The following PEX26 variants were observed in gnomAD, a reference collection of about 807,000 sequenced individuals.
PEX26 encodes peroxisome assembly protein 26.
PEX26 carries 18 observed loss-of-function variants against 31.4 expected under a neutral mutation model. The ratio of observed to expected loss-of-function variants is 0.57; its 90% CI spans 0.40 to 0.85. PEX26 has a LOEUF of 0.85. Among genes scored for constraint, PEX26 ranks in the 40% least tolerant of loss-of-function variants. The pLI, the probability that PEX26 is intolerant of heterozygous loss-of-function variation, is 0.00. For synonymous variants in PEX26, 176 were observed against 166.9 expected, an observed-to-expected ratio of 1.05 and a Z score of -0.42; for missense variants, 377 against 383.9, an observed-to-expected ratio of 0.98 and a Z score of 0.15.
In PEX26 at chr22:18,078,856, A is replaced by G. The variant is rs183299736; in HGVS notation, c.230+250A>G. ...CCTTGTTCCAAGGTACAATGACATG[A>G]TGGGAAGGCTGAATGTGTATTAAGT... On this transcript the variant is annotated intron_variant, in intron 1 of 4. Coordinates refer to ENST00000399744, the MANE Select transcript of PEX26 (RefSeq NM_001127649.3). 8 of 677,466 alleles carry G rather than the reference A, an allele frequency of 1.2e-5. No homozygotes were observed. The Admixed American group carries it at 1.6e-4, about 14-fold the overall frequency. 42.0% of individuals were successfully genotyped at this position (677,466 alleles called of 1,614,324 possible).
Position 18,085,141 on chromosome 22 carries a change from C to A in PEX26, c.697C>A (p.Pro233Thr). ...TGTCTCCCACAAGTTCCTGTCACTA[C>A]CGATGTTGGTTCGCCAGCTTTGGGA... ...GSVSHKFLSL[P>T]MLVRQLWDSA... Residue 233 changes from proline (P) to threonine (T), a missense_variant, in exon 4 of 5, where the codon CCG becomes ACG. Transcript: ENST00000399744. 1 of 1,614,146 alleles carries A rather than the reference C, an allele frequency of 6.2e-7. No homozygotes were observed. Among genetic ancestry groups the A allele is most frequent in the Non-Finnish European group, 8.5e-7 (1 of 1,180,006 alleles).
chr22:18,089,348 A>T lies in PEX26; in HGVS notation c.*1273A>T, dbSNP rs1926981807. ...TGAGTAATCAGGTGAGCTGGAAGGGATGTGGGGGGCGGGGCAGACGGGAGA... is the reference window on the plus strand; with the variant it reads ...TGAGTAATCAGGTGAGCTGGAAGGGTTGTGGGGGGCGGGGCAGACGGGAGA... On this transcript the variant is annotated 3_prime_UTR_variant, in exon 5 of 5. Coordinates refer to ENST00000399744, the MANE Select transcript of PEX26 (RefSeq NM_001127649.3). 2 of 152,692 alleles carry T rather than the reference A, an allele frequency of 1.3e-5. No homozygotes were observed. 9.5% of individuals were successfully genotyped at this position (152,692 alleles called of 1,614,324 possible).
In PEX26 at chr22:18,091,859, C is replaced by G. The variant is rs1648813193; in HGVS notation, c.*3784C>G. On this transcript the variant is annotated 3_prime_UTR_variant, in exon 5 of 5. Transcript: ENST00000399744. ...GAGCAGCAGTGGTCAGAGCTCTTTA[C>G]TATTACTTTTGGGCAAACGCAAGCC... 1.3e-5 allele frequency: 2 copies of G among 152,278 alleles called. No individual in the cohort carries two copies. Among genetic ancestry groups the G allele is most frequent in the African/African-American group, 4.8e-5 (2 of 41,436 alleles). 9.4% of individuals were successfully genotyped at this position (152,278 alleles called of 1,614,324 possible).
rs1306788647 is a variant in PEX26 at position 18,088,946 on chromosome 22, C to G, written c.*871C>G. On this transcript the variant is annotated 3_prime_UTR_variant, in exon 5 of 5. Coordinates refer to ENST00000399744, the MANE Select transcript of PEX26 (RefSeq NM_001127649.3). The surrounding 1 kb of genome is among the most constrained non-coding windows in gnomAD (Gnocchi z 4.1). ...TCAGGCTGGGGTGTGGTTTTCAGAA[C>G]CACCGGGTTGACTACTGAAAACCAA... 3 of 152,376 alleles carry G rather than the reference C, an allele frequency of 2.0e-5. No individual in the cohort carries two copies. The highest frequency in any genetic ancestry group is 4.4e-5 in the Non-Finnish European group (3 of 68,192). 9.4% of individuals were successfully genotyped at this position (152,376 alleles called of 1,614,324 possible).
At position 18,079,968 on chromosome 22, in the gene PEX26, T is replaced by C. The variant is rs45567240; in HGVS notation, c.325T>C (p.Tyr109His). The C allele has an allele frequency of 2.6e-3, 4,200 of 1,614,074 alleles. 8 individuals carry two copies. The highest frequency in any genetic ancestry group is 3.0e-3 in the Non-Finnish European group (3,595 of 1,179,954). Residue 109 changes from tyrosine to histidine, a missense_variant, in exon 2 of 5, where the codon TAT (tyrosine) becomes CAT (histidine). Physicochemically the swap from Tyr to His is moderately conservative, Grantham distance 83 (BLOSUM62 2). Coordinates refer to ENST00000399744, the MANE Select transcript of PEX26 (RefSeq NM_001127649.3). ...WQEVLSWVLQ[Y>H]YQVPEKLPPK... ...AGAAGTCCTCTCCTGGGTCCTTCAG[T>C]ATTACCAGGTCCCTGAAAAGCTACC...
rs1927012883 is a variant in PEX26, at chr22:18,089,791, TC to T, written c.*1719del. On this transcript the variant is annotated 3_prime_UTR_variant, in exon 5 of 5. Transcript: ENST00000399744. ...ATCTCAGCTCACTGCAAGCTCCGCCTCCCGGGTTCATGCCATTCTCCTGCCT... is the reference window on the plus strand; with the variant it reads ...ATCTCAGCTCACTGCAAGCTCCGCCTCCGGGTTCATGCCATTCTCCTGCCT... The T allele has an allele frequency of 6.6e-6, 1 of 152,198 alleles. No individual in the cohort carries two copies. Among genetic ancestry groups the T allele is most frequent in the Admixed American group, 6.5e-5 (1 of 15,270 alleles). 9.4% of individuals were successfully genotyped at this position (152,198 alleles called of 1,614,324 possible). A position where few individuals can be genotyped will look rare whatever the true frequency, so the allele number is the denominator to read the frequency against.
At position 18,099,216 on chromosome 22, in the gene PEX26, G is replaced by A. The variant is rs1927382113; in HGVS notation, c.*11141G>A. ...AAGAGTCCAGCCCAGGGAAAAAGGTGCAGATGGGTAGGATTTGGGTGGGTA... is the reference window on the plus strand; with the variant it reads ...AAGAGTCCAGCCCAGGGAAAAAGGTACAGATGGGTAGGATTTGGGTGGGTA... On this transcript the variant is annotated 3_prime_UTR_variant, in exon 5 of 5. Coordinates refer to ENST00000399744, the MANE Select transcript of PEX26 (RefSeq NM_001127649.3). 1 of 152,194 alleles carries A rather than the reference G, an allele frequency of 6.6e-6. No homozygotes were observed. Among genetic ancestry groups the A allele is most frequent in the Non-Finnish European group, 1.5e-5 (1 of 68,032 alleles). 9.4% of individuals were successfully genotyped at this position (152,194 alleles called of 1,614,324 possible).
chr22:18,087,679 A>G (rs1926897028), intron 4 of PEX26, among the ~76,000 whole-genome samples: 1 of 152,212 alleles, frequency 6.6e-6, no homozygotes, highest in South Asian at 2.1e-4. Context: ...GGCCTGGCCC[A>G]GTGGCCCTGA....
chr22:18,078,541 G>A lies in PEX26; in HGVS notation c.165G>A (p.Leu55=). ...TGCACCTGGACTTCCGGGCGGCGCT[G>A]GAGACCTGCGAGCGGGCCTGGCAGA... The part of the protein sequence containing the change: ...LVVHLDFRAA[L]ETCERAWQSL... The change falls in exon 1 of 5, where the codon CTG becomes CTA. Residue 55 remains leucine, a synonymous_variant. Coordinates refer to ENST00000399744, the MANE Select transcript of PEX26 (RefSeq NM_001127649.3). 1 of 1,585,996 alleles carries A rather than the reference G, an allele frequency of 6.3e-7. No homozygotes were observed.
rs1273539556 is a variant in PEX26 at position 18,090,253 on chromosome 22, A to G, written c.*2178A>G. On this transcript the variant is annotated 3_prime_UTR_variant, in exon 5 of 5. Coordinates refer to ENST00000399744, the MANE Select transcript of PEX26 (RefSeq NM_001127649.3). ...AGATAAAACGCTTCAATGGCTTCCC[A>G]TGGCTCACTGGATAACATCTAAATT... is the stretch of plus-strand genomic sequence containing the variant. 6.6e-6 allele frequency: 1 copy of G among 152,210 alleles called. No individual in the cohort carries two copies. The highest frequency in any genetic ancestry group is 1.5e-5 in the Non-Finnish European group (1 of 68,048). 9.4% of individuals were successfully genotyped at this position (152,210 alleles called of 1,614,324 possible).
rs559899179 is a variant in PEX26, at chr22:18,092,556, G to A, written c.*4481G>A. The A allele has an allele frequency of 6.6e-6, 1 of 152,258 alleles. No homozygotes were observed. Among genetic ancestry groups the A allele is most frequent in the East Asian group, 1.9e-4 (1 of 5,188 alleles). 9.4% of individuals were successfully genotyped at this position (152,258 alleles called of 1,614,324 possible). ...TTTAGAAAATATTAATTGCATAGAA[G>A]GAAATACAGGACTCGTGATCCCACC... On this transcript the variant is annotated 3_prime_UTR_variant, in exon 5 of 5. Transcript: ENST00000399744.
chr22:18,085,308 A>G, intron 4 of PEX26, 50 bp downstream of exon 4: 3 of 1,602,584 alleles, frequency 1.9e-6, no homozygotes, highest in South Asian at 2.2e-5. Context: ...GGTTGTTGCC[A>G]GGGCTGGGCC....
rs1927327669 is a variant in PEX26, at chr22:18,097,358, G to A, written c.*9283G>A. 1 of 151,796 alleles carries A rather than the reference G, an allele frequency of 6.6e-6. No homozygotes were observed. The highest frequency in any genetic ancestry group is 1.5e-5 in the Non-Finnish European group (1 of 68,022). The allele number at this position is 151,796 out of a possible 1,614,324, so 9.4% of individuals were successfully genotyped here. A position where few individuals can be genotyped will look rare whatever the true frequency, so the allele number is the denominator to read the frequency against. On this transcript the variant is annotated 3_prime_UTR_variant, in exon 5 of 5. Coordinates refer to ENST00000399744, the MANE Select transcript of PEX26 (RefSeq NM_001127649.3). ...GGCTCACTGCAAGCTCCGCCTTCCG[G>A]GTTCACGCCATTCTCCTGCCTCAGC...
rs769033064 is a variant in PEX26, at chr22:18,078,135, A to G, written c.-242A>G. ...CGGAGAAGCTAGGGCCAGGTATTCC[A>G]GGGATGCAAGAATCCTGCAAATCTG... On this transcript the variant is annotated 5_prime_UTR_variant, in exon 1 of 5. Transcript: ENST00000399744. 1.5e-6 allele frequency: 1 copy of G among 671,646 alleles called. No individual in the cohort carries two copies. The highest frequency in any genetic ancestry group is 2.7e-6 in the Non-Finnish European group (1 of 365,196). 41.6% of individuals were successfully genotyped at this position (671,646 alleles called of 1,614,324 possible).
rs1263234473 is a variant in PEX26, at chr22:18,103,285, G to A, written c.*15210G>A. On this transcript the variant is annotated 3_prime_UTR_variant, in exon 5 of 5. Coordinates refer to ENST00000399744, the MANE Select transcript of PEX26 (RefSeq NM_001127649.3). ...GGTGACCATTGTTAACACTGTATTG[G>A]GTGTTTCAAAATAGACGGAATAAAG... 2 of 151,808 alleles carry A rather than the reference G, an allele frequency of 1.3e-5. No individual in the cohort carries two copies. Among genetic ancestry groups the A allele is most frequent in the African/African-American group, 2.4e-5 (1 of 41,266 alleles). 9.4% of individuals were successfully genotyped at this position (151,808 alleles called of 1,614,324 possible).
chr22:18,084,340 G>A (rs1180765095), intron 3 of PEX26, among the ~76,000 whole-genome samples: 1 of 150,364 alleles, frequency 6.7e-6, no homozygotes, highest in African/African-American at 2.4e-5. Flanking sequence ...CACCTCTCAG[G>A]TTCACGCCAT....
chr22:18,083,521 C>G lies in PEX26; in HGVS notation c.456C>G (p.Asn152Lys). Residue 152 changes from asparagine to lysine, a missense_variant, in exon 3 of 5, where the codon AAC (asparagine) becomes AAG (lysine). Physicochemically the swap from Asn to Lys is moderately conservative, Grantham distance 94. Transcript: ENST00000399744. ...GAWLQDPANQNLPEYGALAEF... is the reference protein window; with the variant it reads ...GAWLQDPANQKLPEYGALAEF... ...GGCTCCAAGACCCAGCCAATCAAAA[C>G]CTTCCAGAATATGGAGCCTTGGCAG... 1 of 1,614,136 alleles carries G rather than the reference C, an allele frequency of 6.2e-7. No individual in the cohort carries two copies. The highest frequency in any genetic ancestry group is 8.5e-7 in the Non-Finnish European group (1 of 1,179,974).
rs1215973484 is a variant in PEX26, at chr22:18,099,697, A to G, written c.*11622A>G. 2 of 152,230 alleles carry G rather than the reference A, an allele frequency of 1.3e-5. No individual in the cohort carries two copies. Among genetic ancestry groups the G allele is most frequent in the African/African-American group, 2.4e-5 (1 of 41,460 alleles). The allele number at this position is 152,230 out of a possible 1,614,324, so 9.4% of individuals were successfully genotyped here. On this transcript the variant is annotated 3_prime_UTR_variant, in exon 5 of 5. Transcript: ENST00000399744. Reference sequence around the variant, plus strand: ...TTATCTCACAGCTCTGAAGGCCAGAAGTCAGCCAAAGCCTCTGCCTCTGAA... The same window carrying G: ...TTATCTCACAGCTCTGAAGGCCAGAGGTCAGCCAAAGCCTCTGCCTCTGAA...
At position 18,100,908 on chromosome 22, in the gene PEX26, A is replaced by T. The variant is rs1361978191; in HGVS notation, c.*12833A>T. 6.6e-6 allele frequency: 1 copy of T among 152,220 alleles called. No individual in the cohort carries two copies. The highest frequency in any genetic ancestry group is 1.5e-5 in the Non-Finnish European group (1 of 68,044). 9.4% of individuals were successfully genotyped at this position (152,220 alleles called of 1,614,324 possible). Reference sequence around the variant, plus strand: ...AACACAGTTAATATGCTGGAAGAAGAGGATAGCTTTTAGTCTATTTCCAGC... The same window carrying T: ...AACACAGTTAATATGCTGGAAGAAGTGGATAGCTTTTAGTCTATTTCCAGC... On this transcript the variant is annotated 3_prime_UTR_variant, in exon 5 of 5. Transcript: ENST00000399744.
Sources: allele counts gnomAD v4.1 joint callset (sites outside exome capture counted in the v4.1 genomes callset), GRCh38; gene constraint gnomAD v4.1.1; non-coding constraint Gnocchi (gnomAD v3.1); transcripts MANE v1.5; gene names NCBI Gene and HGNC (gene_info 2026-07-23, HGNC 2026-07-21).